ADCK2: variants seen among roughly 807,000 people sequenced by gnomAD.
ADCK2 encodes the protein uncharacterized aarF domain-containing protein kinase 2.
In ADCK2, 37 loss-of-function variants were observed where a neutral mutation model predicts 52.3. That is an observed-to-expected ratio of 0.71 (90% CI 0.54 to 0.93). ADCK2 has a LOEUF of 0.93. Among genes scored for constraint, ADCK2 ranks in the 40% least tolerant of loss-of-function variants. The probability of loss-of-function intolerance (pLI) is 0.00; values close to 1 mark genes in which losing one functional copy is unlikely to be tolerated. For synonymous variants in ADCK2, 321 were observed against 349.2 expected (o/e 0.92, Z 0.90); for missense variants, 695 against 798.7 (o/e 0.87, Z 1.56).
At position 140,678,132 on chromosome 7, in the gene ADCK2, T is replaced by C. The variant is rs1794451473; in HGVS notation, c.1081-1023T>C. Among the ~76,000 whole-genome samples the C allele has an allele frequency of 6.6e-6, 1 of 152,166 alleles. No homozygotes were observed. On this transcript the variant is annotated intron_variant, in intron 2 of 7. Transcript: ENST00000072869. The surrounding 1 kb of genome is among the most constrained non-coding windows in gnomAD (Gnocchi z 4.9). ...GCACCTCTGTTTGTGCTCAGGTGAC[T>C]GGACCTGAGGGCATGCGCCTTGGGA...
chr7:140,681,917 G>A (rs776239860), intron 4 of ADCK2, among the ~76,000 whole-genome samples: 22 of 152,280 alleles, frequency 1.4e-4, no homozygotes, highest in Middle Eastern at 3.4e-3. Flanking sequence ...CACCATGCCC[G>A]GCCTCTTAAG....
At chr7:140,689,836 A>C in intron 6 of ADCK2, 111 bp downstream of exon 6, 1 of 1,268,844 alleles carries the variant, frequency 7.9e-7, no homozygotes, top group Non-Finnish European at 1.0e-6. Flanking sequence ...GTTTTAAAGC[A>C]GAAAAAGAAC....
intron 4 of ADCK2, among the ~76,000 whole-genome samples, chr7:140,681,707 T>C (rs968140503): frequency 1.3e-5 from 2 of 151,678 alleles, no homozygotes; most frequent in African/African-American, 4.8e-5. Context: ...AGCCTCAACC[T>C]CTTGGGCTCA....
In ADCK2 at chr7:140,689,541, C is replaced by T. The variant is rs1172701838; in HGVS notation, c.1558-56C>T. ...TGAGATGAGAAAGACGCTTGGGCAC[C>T]GCATCCAGGTTTATGCTAGCTCCAC... On this transcript the variant is annotated intron_variant, in intron 5 of 7. Transcript: ENST00000072869. 1.3e-5 allele frequency: 20 copies of T among 1,517,042 alleles called. 1 individual carries two copies. The highest frequency in any genetic ancestry group is 9.5e-5 in the East Asian group (4 of 42,076). 94.0% of individuals were successfully genotyped at this position (1,517,042 alleles called of 1,614,324 possible).
At chr7:140,688,817 A>G (rs2130790363) in intron 5 of ADCK2, among the ~76,000 whole-genome samples, 1 of 152,342 alleles carries the variant, frequency 6.6e-6, no homozygotes, top group Non-Finnish European at 1.5e-5. Flanking sequence ...ATGATTATTT[A>G]GAGAAAAGGC....
At chr7:140,689,285 T>A (rs1794662119) in intron 5 of ADCK2, among the ~76,000 whole-genome samples, 1 of 152,088 alleles carries the variant, frequency 6.6e-6, no homozygotes, top group African/African-American at 2.4e-5. Flanking sequence ...AAAAAAAATT[T>A]TTTTTTTTTA....
chr7:140,692,795 A>C (rs949139301), intron 7 of ADCK2, among the ~76,000 whole-genome samples: 35 of 152,258 alleles, frequency 2.3e-4, no homozygotes, highest in Admixed American at 1.3e-3. Flanking sequence ...AGTTTTAAAA[A>C]CATTTAATGT....
intron 3 of ADCK2, among the ~76,000 whole-genome samples, chr7:140,679,912 G>A (rs1394823942): frequency 6.6e-6 from 1 of 151,918 alleles, no homozygotes; most frequent in African/African-American, 2.4e-5. Context: ...GACCTCAAGT[G>A]ATCTGCCTGC....
rs1331826079 is a variant in ADCK2 at position 140,678,870 on chromosome 7, A to G, written c.1081-285A>G. On this transcript the variant is annotated intron_variant, in intron 2 of 7. Transcript: ENST00000072869. This position sits in a 1 kb window ranked among gnomAD's most constrained non-coding sequence, Gnocchi z 4.9. ...GGGAAGGGACTCATGGGCTGGTGTG[A>G]GGCAGGCGGGTGGCAAGGGCGAGAG... 6.6e-6 allele frequency among the ~76,000 whole-genome samples: 1 copy of G among 152,166 alleles called. No homozygotes were observed. Among genetic ancestry groups the G allele is most frequent in the East Asian group, 1.9e-4 (1 of 5,186 alleles).
At chr7:140,687,282 T>G in intron 5 of ADCK2, 41 bp downstream of exon 5, 1 of 1,510,874 alleles carries the variant, frequency 6.6e-7, no homozygotes, top group Non-Finnish European at 8.9e-7. Context: ...GTGAATTTTT[T>G]TTAATTAAAA....
intron 7 of ADCK2, among the ~76,000 whole-genome samples, chr7:140,692,629 G>A (rs958694820): frequency 6.6e-6 from 1 of 152,226 alleles, no homozygotes; most frequent in African/African-American, 2.4e-5. Context: ...GAAGTGCTGC[G>A]ATGACAGGCG....
At chr7:140,694,544 G>A (rs1179125779) in intron 7 of ADCK2, 119 bp from the exon 8 acceptor site, 7 of 952,764 alleles carry the variant, frequency 7.3e-6, no homozygotes, top group Admixed American at 2.3e-5. Flanking sequence ...CAGGTAGATG[G>A]TAAACATCCC....
chr7:140,673,367 C>T lies in ADCK2; in HGVS notation c.37C>T (p.Leu13=). The T allele has an allele frequency of 6.7e-7, 1 of 1,501,212 alleles. No individual in the cohort carries two copies. The highest frequency in any genetic ancestry group is 8.9e-7 in the Non-Finnish European group (1 of 1,124,822). The allele number at this position is 1,501,212 out of a possible 1,614,324, so 93.0% of individuals were successfully genotyped here. Residue 13 remains leucine, a synonymous_variant, in exon 1 of 8, where the codon CTG becomes TTG. Transcript: ENST00000072869. This position sits in a 1 kb window ranked among gnomAD's most constrained non-coding sequence, Gnocchi z 6.4. Reference sequence around the variant, plus strand: ...CTGGCGCGTCTCCGTCAGGGTTTGCCTGTCGCACCTGAGGTGCTTCGAGCT... The same window carrying T: ...CTGGCGCGTCTCCGTCAGGGTTTGCTTGTCGCACCTGAGGTGCTTCGAGCT... The part of the protein sequence containing the change: ...APWRVSVRVC[L]SHLRCFELRQ...
chr7:140,675,328 G>T (rs1794383493), intron 2 of ADCK2, among the ~76,000 whole-genome samples: 1 of 152,228 alleles, frequency 6.6e-6, no homozygotes, highest in Non-Finnish European at 1.5e-5. Flanking sequence ...TTTAAAAACA[G>T]AGACAGGGTC....
At position 140,674,368 on chromosome 7, in the gene ADCK2, A is replaced by G; in HGVS notation, c.933+105A>G. 3.1e-6 allele frequency: 4 copies of G among 1,272,934 alleles called. No individual in the cohort carries two copies. The highest frequency in any genetic ancestry group is 4.3e-6 in the Non-Finnish European group (4 of 934,790). The allele number at this position is 1,272,934 out of a possible 1,614,324, so 78.9% of individuals were successfully genotyped here. A position where few individuals can be genotyped will look rare whatever the true frequency, so the allele number is the denominator to read the frequency against. ...CACGTTTATTTCTATTTGCCTGACC[A>G]ATATCTGAGTGCTTATTTCATGCAA... On this transcript the variant is annotated intron_variant, in intron 1 of 7. Transcript: ENST00000072869. The surrounding 1 kb of genome is among the most constrained non-coding windows in gnomAD (Gnocchi z 4.6).
chr7:140,689,421 G>A (rs995828040), intron 5 of ADCK2, among the ~76,000 whole-genome samples, 176 bp from the exon 6 acceptor site: 1 of 152,158 alleles, frequency 6.6e-6, no homozygotes, highest in Non-Finnish European at 1.5e-5. Context: ...GGGGGTGGGG[G>A]CATTCCTCCC....
intron 4 of ADCK2, among the ~76,000 whole-genome samples, chr7:140,684,602 A>AT (rs1219494799): frequency 1.3e-5 from 2 of 152,218 alleles, no homozygotes; most frequent in Non-Finnish European, 2.9e-5. Context: ...GAGCCGGAGA[A>AT]TGAATCGAGG....
rs776558954 is a variant in ADCK2, at chr7:140,681,024, T to A, written c.1210-18T>A. The A allele has an allele frequency of 6.2e-7, 1 of 1,613,460 alleles. No homozygotes were observed. The highest frequency in any genetic ancestry group is 8.5e-7 in the Non-Finnish European group (1 of 1,179,384). ...GGCTGGCTGGGATTAAGCTGTTCTC[T>A]CCCTGGTCTTTCTGAAGGAGAGTGT... On this transcript the variant is annotated intron_variant, in intron 3 of 7. Transcript: ENST00000072869.
intron 7 of ADCK2, 142 bp downstream of exon 7, chr7:140,690,955 T>A: frequency 6.3e-6 from 5 of 796,112 alleles, no homozygotes; most frequent in Non-Finnish European, 7.9e-6. Context: ...AGACAGAGTC[T>A]CACTCTGTCG....
Sources: gnomAD v4.1 joint callset for allele counts (sites outside exome capture counted in the v4.1 genomes callset) on GRCh38, gnomAD v4.1.1 for gene constraint, Gnocchi (gnomAD v3.1) non-coding constraint, MANE v1.5 for transcripts, NCBI Gene and HGNC (gene_info 2026-07-23, HGNC 2026-07-21) for gene names.